ALDH1A2: variants seen among roughly 807,000 people sequenced by gnomAD.
ALDH1A2 encodes the protein retinal dehydrogenase 2.
Under a neutral mutation model 60.3 loss-of-function variants are expected in ALDH1A2, and 27 were observed. The ratio of observed to expected loss-of-function variants is 0.45; its 90% CI spans 0.33 to 0.62. The LOEUF (loss-of-function observed/expected upper bound fraction) is 0.62. Ranked by LOEUF, ALDH1A2 falls within the 20% of genes least tolerant of loss-of-function variation. The pLI is 0.02. For missense variants in ALDH1A2, 581 were observed against 643.8 expected, an observed-to-expected ratio of 0.90 and a Z score of 1.06; for synonymous variants, 289 against 232.4, an observed-to-expected ratio of 1.24 and a Z score of -2.21.
At position 57,960,997 on chromosome 15, in the gene ALDH1A2, A is replaced by G. The variant is rs796456940; in HGVS notation, c.1409+140T>C. ...AAATCTACTTTGATTTCTGGATCTA[A>G]GCAGTAAGGAGTGTACCCCTTTTCT... On this transcript the variant is annotated intron_variant, in intron 11 of 12. Coordinates refer to ENST00000249750, the MANE Select transcript of ALDH1A2 (RefSeq NM_003888.4). 2.9e-5 allele frequency: 38 copies of G among 1,328,180 alleles called. No individual in the cohort carries two copies. The African/African-American group carries it at 4.8e-4, about 17-fold the overall frequency. 82.3% of individuals were successfully genotyped at this position (1,328,180 alleles called of 1,614,324 possible). A position where few individuals can be genotyped will look rare whatever the true frequency, so the allele number is the denominator to read the frequency against.
chr15:57,955,496 T>C (rs1461113436), intron 12 of ALDH1A2, among the ~76,000 whole-genome samples: 1 of 152,214 alleles, frequency 6.6e-6, no homozygotes, highest in Non-Finnish European at 1.5e-5. Context: ...TTTAAAGTTT[T>C]TTAAAGTAGT....
chr15:57,961,021 C>T, intron 11 of ALDH1A2, 116 bp downstream of exon 11: 1 of 1,446,712 alleles, frequency 6.9e-7, no homozygotes, highest in Non-Finnish European at 9.6e-7. Context: ...TACCCCTTTT[C>T]TGGTGAACTT....
At chr15:58,048,365 G>A (rs1425009617) in intron 1 of ALDH1A2, among the ~76,000 whole-genome samples, 1 of 152,036 alleles carries the variant, frequency 6.6e-6, no homozygotes. Context: ...CAGTTAGGTA[G>A]CCAAGATCCA....
intron 7 of ALDH1A2, among the ~76,000 whole-genome samples, chr15:57,972,322 A>T (rs546923298): frequency 2.6e-5 from 4 of 152,270 alleles, no homozygotes; most frequent in African/African-American, 9.6e-5. Context: ...TAGCATTTTG[A>T]CAGTTAAATG....
At chr15:58,031,806 T>C (rs1023760547) in intron 1 of ALDH1A2, among the ~76,000 whole-genome samples, 1 of 152,116 alleles carries the variant, frequency 6.6e-6, no homozygotes, top group African/African-American at 2.4e-5. Context: ...CACAATGAGA[T>C]ACCATCTCAC....
At chr15:58,014,108 A>G in intron 2 of ALDH1A2, 69 bp downstream of exon 2, 6 of 1,613,960 alleles carry the variant, frequency 3.7e-6, no homozygotes, top group Non-Finnish European at 4.2e-6. Flanking sequence ...TACTGAGAGC[A>G]TATGTTTGCT....
At chr15:58,009,810 T>C (rs1895572865) in intron 4 of ALDH1A2, among the ~76,000 whole-genome samples, 1 of 152,150 alleles carries the variant, frequency 6.6e-6, no homozygotes, top group Admixed American at 6.6e-5. Context: ...GCCAGACCTC[T>C]TTCCACTTTT....
rs200117694 is a variant in ALDH1A2, at chr15:57,955,282, A to C, written c.1485-13T>G. 614 of 1,613,744 alleles carry C rather than the reference A, an allele frequency of 3.8e-4. No individual in the cohort carries two copies. The highest frequency in any genetic ancestry group is 4.7e-4 in the Non-Finnish European group (554 of 1,179,908). ...GCCAAATTCTCCCCTGAAACACAGA[A>C]ATGGGCCGGGTCAGATACCAGAAGT... On this transcript the variant is annotated splice_polypyrimidine_tract_variant and intron_variant, in intron 12 of 12. Transcript: ENST00000249750.
chr15:57,992,650 C>G, intron 7 of ALDH1A2, 55 bp downstream of exon 7: 1 of 1,501,926 alleles, frequency 6.7e-7, no homozygotes, highest in Non-Finnish European at 9.3e-7. Context: ...GTTTTTGTAA[C>G]CCCTCAACTC....
chr15:58,032,922 A>G (rs968496971), intron 1 of ALDH1A2, among the ~76,000 whole-genome samples: 1 of 152,058 alleles, frequency 6.6e-6, no homozygotes, highest in African/African-American at 2.4e-5. Context: ...TAAGCCAGGC[A>G]TAAGAAGACA....
intron 1 of ALDH1A2, among the ~76,000 whole-genome samples, chr15:58,041,054 G>A (rs1008796186): frequency 7.2e-5 from 11 of 151,822 alleles, no homozygotes; most frequent in Admixed American, 3.3e-4. Flanking sequence ...CCTTCATGCC[G>A]CATGACCTTC....
At chr15:57,969,813 A>G (rs1286506732) in intron 7 of ALDH1A2, among the ~76,000 whole-genome samples, 9 of 147,716 alleles carry the variant, frequency 6.1e-5, no homozygotes, top group African/African-American at 2.4e-4. Context: ...AGATTTTACA[A>G]CGTACTCGTG....
At position 57,963,998 on chromosome 15, in the gene ALDH1A2, G is replaced by C. The variant is rs963837318; in HGVS notation, c.973C>G (p.Arg325Gly). The change falls in exon 9 of 13, where the codon CGC (arginine) becomes GGC (glycine). Residue 325 changes from arginine to glycine, a missense_variant. By Grantham distance (125) the Arg-to-Gly change is moderately radical. Coordinates refer to ENST00000249750, the MANE Select transcript of ALDH1A2 (RefSeq NM_003888.4). The stretch of plus-strand genomic sequence containing the variant: ...TAGATGGACTCCTCCACGAAGATGC[G>C]AGAGCCTGCAGTGCAGCACTGACCT... ...NQGQCCTAGS[R>G]IFVEESIYEE... The C allele has an allele frequency of 6.2e-7, 1 of 1,614,158 alleles. No homozygotes were observed. The highest frequency in any genetic ancestry group is 1.1e-5 in the South Asian group (1 of 91,086).
rs747362117 is a variant in ALDH1A2, at chr15:58,013,815, G to A, written c.363+43C>T. 57 of 1,611,590 alleles carry A rather than the reference G, an allele frequency of 3.5e-5. No individual in the cohort carries two copies. In the South Asian group the frequency reaches 5.9e-4, roughly 17 times the overall value. On this transcript the variant is annotated intron_variant, in intron 3 of 12. Transcript: ENST00000249750. The stretch of plus-strand genomic sequence containing the variant: ...GAAGAATGTAAATTTCAGCAGAATG[G>A]CAAATGTGGGTTAAAGACTTAATGT...
chr15:57,960,191 G>T (rs1383261587), intron 12 of ALDH1A2, among the ~76,000 whole-genome samples: 1 of 152,118 alleles, frequency 6.6e-6, no homozygotes, highest in Non-Finnish European at 1.5e-5. Flanking sequence ...CATATTAAAT[G>T]CCTTAAGGAC....
intron 1 of ALDH1A2, among the ~76,000 whole-genome samples, chr15:58,043,844 T>C (rs1374923237): frequency 1.3e-5 from 2 of 152,012 alleles, no homozygotes; most frequent in Non-Finnish European, 2.9e-5. Context: ...GAGAATCTTT[T>C]TCTCGGTCTA....
intron 1 of ALDH1A2, among the ~76,000 whole-genome samples, chr15:58,042,599 T>C (rs1896546556): frequency 6.6e-6 from 1 of 151,920 alleles, no homozygotes; most frequent in African/African-American, 2.4e-5. Flanking sequence ...TCATCTCATG[T>C]CCCAGAAAAG....
chr15:58,007,981 C>T (rs1356443378), intron 4 of ALDH1A2, among the ~76,000 whole-genome samples: 3 of 152,124 alleles, frequency 2.0e-5, no homozygotes, highest in Non-Finnish European at 4.4e-5. Context: ...CAGCTACATT[C>T]ACTAAGCACT....
chr15:57,955,279 A>G lies in ALDH1A2; in HGVS notation c.1485-10T>C. On this transcript the variant is annotated splice_polypyrimidine_tract_variant and intron_variant, in intron 12 of 12. Coordinates refer to ENST00000249750, the MANE Select transcript of ALDH1A2 (RefSeq NM_003888.4). ...CAAGCCAAATTCTCCCCTGAAACAC[A>G]GAAATGGGCCGGGTCAGATACCAGA... is the stretch of plus-strand genomic sequence containing the variant. The G allele has an allele frequency of 6.2e-7, 1 of 1,614,028 alleles. No homozygotes were observed. The highest frequency in any genetic ancestry group is 1.3e-5 in the African/African-American group (1 of 75,000).
Sources: allele counts gnomAD v4.1 joint callset (sites outside exome capture counted in the v4.1 genomes callset), GRCh38; gene constraint gnomAD v4.1.1; transcripts MANE v1.5; gene names NCBI Gene and HGNC (gene_info 2026-07-23, HGNC 2026-07-21).